FKBP1A: variants seen among roughly 807,000 people sequenced by gnomAD.
FKBP1A encodes peptidyl-prolyl cis-trans isomerase FKBP1A.
In FKBP1A, 5 loss-of-function variants were observed where a neutral mutation model predicts 14.2. The observed-to-expected ratio is 0.35, with a 90% CI of 0.18 to 0.74. The LOEUF (loss-of-function observed/expected upper bound fraction) is 0.74. Among genes scored for constraint, FKBP1A ranks in the 30% least tolerant of loss-of-function variants. The pLI, the probability that FKBP1A is intolerant of heterozygous loss-of-function variation, is 0.56. For missense variants in FKBP1A, 53 were observed against 138.8 expected (o/e 0.38, Z 3.10); for synonymous variants, 42 against 49.1 (o/e 0.86, Z 0.60).
At chr20:1,391,927 C>T in intron 2 of FKBP1A, among the ~76,000 whole-genome samples, 1 of 152,100 alleles carries the variant, frequency 6.6e-6, no homozygotes, top group Non-Finnish European at 1.5e-5. Context: ...TCAGCTCTCC[C>T]CCTCCCCCGC....
At chr20:1,381,655 CA>C (rs1022933344) in intron 2 of FKBP1A, among the ~76,000 whole-genome samples, 3 of 152,168 alleles carry the variant, frequency 2.0e-5, no homozygotes, top group African/African-American at 7.2e-5. Flanking sequence ...TAGCGATAGT[CA>C]AAAACTATAA....
intron 2 of FKBP1A, among the ~76,000 whole-genome samples, chr20:1,384,436 T>A (rs1020611982): frequency 3.9e-4 from 59 of 152,286 alleles, no homozygotes; most frequent in South Asian, 2.1e-4. Context: ...TGCTCTACTT[T>A]AAAAAAGGTC....
At chr20:1,377,554 T>C (rs1264286689) in intron 2 of FKBP1A, 1 of 152,226 alleles carries the variant, frequency 6.6e-6, no homozygotes, top group Non-Finnish European at 1.5e-5. Context: ...AACAGTTCTC[T>C]ATAAATGAGT....
At chr20:1,371,222 G>A (rs959658862) in intron 4 of FKBP1A, 51 of 984,552 alleles carry the variant, frequency 5.2e-5, no homozygotes, top group Middle Eastern at 5.2e-4. Context: ...TGTACTTAAT[G>A]ATTCTAACAC....
At chr20:1,376,266 G>A (rs1164841340) in intron 2 of FKBP1A, among the ~76,000 whole-genome samples, 2 of 152,180 alleles carry the variant, frequency 1.3e-5, no homozygotes, top group Admixed American at 6.5e-5. Context: ...GGGAACCTGG[G>A]GCGTAAAGCT....
intron 2 of FKBP1A, among the ~76,000 whole-genome samples, chr20:1,384,942 C>T (rs1239520470): frequency 6.6e-6 from 1 of 152,104 alleles, no homozygotes; most frequent in Non-Finnish European, 1.5e-5. Flanking sequence ...AAGGCAGGGC[C>T]CATGATGGGA....
At position 1,389,045 on chromosome 20, in the gene FKBP1A, A is replaced by AT. The variant is rs908255731; in HGVS notation, c.85+3788dup. ...TCCTTTGAGTGAATGTTAAAATGCCATTTTTTTCAGAGGCCTTTTCCAATC... is the reference window on the plus strand; with the variant it reads ...TCCTTTGAGTGAATGTTAAAATGCCATTTTTTTTCAGAGGCCTTTTCCAATC... On this transcript the variant is annotated intron_variant, in intron 2 of 4. Transcript: ENST00000400137. Among the ~76,000 whole-genome samples, 6 of 152,064 alleles carry AT rather than the reference A, an allele frequency of 3.9e-5. No homozygotes were observed. In the East Asian group the frequency reaches 9.7e-4, roughly 25 times the overall value.
chr20:1,371,723 T>C, intron 4 of FKBP1A: 2 of 1,003,810 alleles, frequency 2.0e-6, no homozygotes, highest in African/African-American at 1.7e-5. Flanking sequence ...AAGTCATTCA[T>C]TAAGAGTCTT....
chr20:1,389,608 C>CG (rs1432959844), intron 2 of FKBP1A, among the ~76,000 whole-genome samples: 2 of 152,108 alleles, frequency 1.3e-5, no homozygotes, highest in African/African-American at 4.8e-5. Context: ...AGTCAGAAAC[C>CG]GGGAGGCTAT....
intron 2 of FKBP1A, among the ~76,000 whole-genome samples, chr20:1,385,183 A>C (rs2089656579): frequency 6.6e-6 from 1 of 152,186 alleles, no homozygotes; most frequent in South Asian, 2.1e-4. Context: ...TGAGCTTCGG[A>C]GTTTGAGACC....
chr20:1,384,163 G>A (rs1393555320), intron 2 of FKBP1A, among the ~76,000 whole-genome samples: 1 of 152,164 alleles, frequency 6.6e-6, no homozygotes, highest in East Asian at 1.9e-4. Flanking sequence ...ACAAAGGGAG[G>A]AGTGGTTAGC....
At chr20:1,378,769 C>T (rs908942431) in intron 2 of FKBP1A, 1 of 152,220 alleles carries the variant, frequency 6.6e-6, no homozygotes, top group Non-Finnish European at 1.5e-5. Context: ...GCCAAATGAA[C>T]ACAACTGGCG....
intron 2 of FKBP1A, among the ~76,000 whole-genome samples, chr20:1,387,668 A>G (rs2089682418): frequency 6.6e-6 from 1 of 152,134 alleles, no homozygotes; most frequent in African/African-American, 2.4e-5. Flanking sequence ...AAACCTGGCG[A>G]AACCCGTCTC....
At chr20:1,384,375 A>G (rs2089648458) in intron 2 of FKBP1A, among the ~76,000 whole-genome samples, 1 of 152,200 alleles carries the variant, frequency 6.6e-6, no homozygotes. Flanking sequence ...AGAGAAAGAA[A>G]TCTTAAAAAT....
At chr20:1,381,811 G>A (rs1461627434) in intron 2 of FKBP1A, among the ~76,000 whole-genome samples, 1 of 152,136 alleles carries the variant, frequency 6.6e-6, no homozygotes, top group Admixed American at 6.6e-5. Flanking sequence ...GTGAAAGAAG[G>A]CAGACATAAG....
chr20:1,378,494 ACAC>A (rs1337461219), intron 2 of FKBP1A: 2 of 152,340 alleles, frequency 1.3e-5, no homozygotes, highest in Non-Finnish European at 2.9e-5. Context: ...CACAGAATGT[ACAC>A]CACCAAGAGT....
chr20:1,371,097 C>T, intron 4 of FKBP1A: 1 of 985,452 alleles, frequency 1.0e-6, no homozygotes, highest in Non-Finnish European at 1.2e-6. Flanking sequence ...TTTGTTGTGG[C>T]TTTCAAACAA....
rs1017009525 is a variant in FKBP1A at position 1,379,566 on chromosome 20, C to T, written c.86-3963G>A. Among the ~76,000 whole-genome samples the T allele has an allele frequency of 5.3e-5, 8 of 152,116 alleles. No homozygotes were observed. The highest frequency in any genetic ancestry group is 2.0e-4 in the Admixed American group (3 of 15,270). ...ACCTTTGCCTAGGATCTTAATTTTC[C>T]TATGCTATTTTGGATGCTCTGTTGT... On this transcript the variant is annotated intron_variant, in intron 2 of 4. Coordinates refer to ENST00000400137, the MANE Select transcript of FKBP1A (RefSeq NM_000801.5). The surrounding 1 kb of genome is among the most constrained non-coding windows in gnomAD (Gnocchi z 4.3).
Position 1,375,568 on chromosome 20 carries a change from G to A in FKBP1A, c.121C>T (p.Arg41Trp), listed in dbSNP as rs760096309. The A allele has an allele frequency of 1.9e-6, 3 of 1,613,904 alleles. No individual in the cohort carries two copies. The highest frequency in any genetic ancestry group is 1.7e-5 in the Admixed American group (1 of 60,012). Residue 41 changes from arginine to tryptophan, a missense_variant, in exon 3 of 5, where the codon CGG becomes TGG. Arg to Trp is a moderately radical substitution (Grantham distance 101). Around this residue, in one of 2 missense-constraint regions of FKBP1A, gnomAD observed 35 missense variants for 118.1 expected, o/e 0.30. Transcript: ENST00000400137. ...AACTTAAAGGGCTTGTTTCTGTCCC[G>A]GGAGGAATCAAATTTCTTTCCATCT... ...LEDGKKFDSS[R>W]DRNKPFKFML...
Sources: gnomAD v4.1 joint callset for allele counts (sites outside exome capture counted in the v4.1 genomes callset) on GRCh38, gnomAD v4.1.1 for gene constraint, gnomAD v4.1.1 regional missense constraint, Gnocchi (gnomAD v3.1) non-coding constraint, MANE v1.5 for transcripts, NCBI Gene and HGNC (gene_info 2026-07-23, HGNC 2026-07-21) for gene names.